SAMM50: variants seen among roughly 807,000 people sequenced by gnomAD.
SAMM50 encodes the protein sorting and assembly machinery component 50 homolog.
SAMM50 carries 47 observed loss-of-function variants against 66.9 expected under a neutral mutation model. The ratio of observed to expected loss-of-function variants is 0.70; its 90% confidence interval spans 0.56 to 0.90. The LOEUF is 0.90. SAMM50 is among the 40% of genes least tolerant of loss of function. SAMM50 has a pLI of 0.00. For synonymous variants in SAMM50, 191 were observed against 214.1 expected, an observed-to-expected ratio of 0.89 and a Z score of 0.94; for missense variants, 535 against 595.3, an observed-to-expected ratio of 0.90 and a Z score of 1.05.
At chr22:43,995,921 C>T (rs2050350994) in intron 14 of SAMM50, among the ~76,000 whole-genome samples, 3 of 152,140 alleles carry the variant, frequency 2.0e-5, no homozygotes, top group Admixed American at 2.0e-4. Context: ...AGCCCCGGGA[C>T]CTTCTGGGGG....
chr22:43,958,055 T>G (rs2050128992), intron 1 of SAMM50, among the ~76,000 whole-genome samples: 1 of 152,228 alleles, frequency 6.6e-6, no homozygotes, highest in South Asian at 2.1e-4. Flanking sequence ...GCCTGGCCTT[T>G]GTCCAGAATT....
chr22:43,970,240 T>C (rs1177556832), intron 4 of SAMM50, among the ~76,000 whole-genome samples: 11 of 151,598 alleles, frequency 7.3e-5, no homozygotes, highest in Admixed American at 7.2e-4. Flanking sequence ...TGGGGTCACC[T>C]TGGGCTAGTG....
chr22:43,976,243 G>A (rs1390322253), intron 8 of SAMM50, 60 bp downstream of exon 8: 13 of 1,556,540 alleles, frequency 8.4e-6, no homozygotes, highest in Admixed American at 7.1e-5. Flanking sequence ...CTATGCATTG[G>A]GAAAACAGTC....
chr22:43,963,899 G>GTTT (rs760201169), intron 2 of SAMM50, among the ~76,000 whole-genome samples: 6 of 151,584 alleles, frequency 4.0e-5, no homozygotes, highest in Non-Finnish European at 8.8e-5. Flanking sequence ...GTTTTGTTTT[G>GTTT]TTTTTTTTAT....
chr22:43,968,104 G>A (rs73434646), intron 3 of SAMM50, among the ~76,000 whole-genome samples: 2,130 of 151,714 alleles, frequency 0.014, 49 homozygotes, highest in African/African-American at 0.049. Context: ...GTCTGTGCCT[G>A]CAATCCCAGC....
At chr22:43,956,498 C>T (rs2050120203) in intron 1 of SAMM50, among the ~76,000 whole-genome samples, 1 of 152,242 alleles carries the variant, frequency 6.6e-6, no homozygotes, top group Non-Finnish European at 1.5e-5. Flanking sequence ...TCTCTTCTGA[C>T]ATCTCTTTGT....
intron 11 of SAMM50, among the ~76,000 whole-genome samples, chr22:43,981,682 A>G (rs1442380621): frequency 6.6e-6 from 1 of 152,210 alleles, no homozygotes; most frequent in African/African-American, 2.4e-5. Context: ...TTTAAAATGT[A>G]TTGTTCCCTT....
rs1057495218 is a variant in SAMM50, at chr22:43,957,301, G to A, written c.21+1703G>A. 1.7e-5 allele frequency: 11 copies of A among 647,766 alleles called. No individual in the cohort carries two copies. The South Asian group carries it at 1.9e-4, about 11-fold the overall frequency. 40.1% of individuals were successfully genotyped at this position (647,766 alleles called of 1,614,324 possible). A position where few individuals can be genotyped will look rare whatever the true frequency, so the allele number is the denominator to read the frequency against. On this transcript the variant is annotated intron_variant, in intron 1 of 14. Transcript: ENST00000350028. ...ATTCTGAAGCAATCTTCCTGCTAAGGCTGTTGGACACAGAATCCGAGTAAT... is the reference window on the plus strand; with the variant it reads ...ATTCTGAAGCAATCTTCCTGCTAAGACTGTTGGACACAGAATCCGAGTAAT...
intron 1 of SAMM50, chr22:43,957,342 G>T (rs1254193502): frequency 3.6e-6 from 2 of 553,712 alleles, no homozygotes; most frequent in East Asian, 3.2e-5. Context: ...ACCCCTCAAG[G>T]ATTTAAACTA....
chr22:43,964,524 G>A lies in SAMM50; in HGVS notation c.205G>A (p.Asp69Asn). 4.3e-6 allele frequency: 7 copies of A among 1,610,516 alleles called. No individual in the cohort carries two copies. Among genetic ancestry groups the A allele is most frequent in the Non-Finnish European group, 5.9e-6 (7 of 1,176,772 alleles). The change falls in exon 3 of 15, where the codon GAT (aspartate) becomes AAT (asparagine). Residue 69 changes from aspartate to asparagine, a missense_variant. By Grantham distance (23) the Asp-to-Asn change is conservative. Transcript: ENST00000350028. ...KDDIIICEIG[D>N]VFKAKNLIEV... is the part of the protein sequence containing the mutation. ...TGATATCATCATTTGTGAAATTGGA[G>A]ATGTTTTCAAGGCCAAAAACCTAAT...
chr22:43,996,279 C>A, intron 14 of SAMM50, 59 bp from the exon 15 acceptor site: 2 of 1,573,904 alleles, frequency 1.3e-6, no homozygotes, highest in Admixed American at 1.7e-5. Context: ...CTCAGTGAGT[C>A]GTGAAGATGG....
intron 11 of SAMM50, among the ~76,000 whole-genome samples, chr22:43,982,580 T>A (rs568465808): frequency 1.3e-5 from 2 of 152,332 alleles, no homozygotes; most frequent in East Asian, 3.9e-4. Context: ...CGTTATGTTA[T>A]ATGCATCCTG....
At chr22:43,981,796 T>C (rs546460725) in intron 11 of SAMM50, among the ~76,000 whole-genome samples, 3 of 152,260 alleles carry the variant, frequency 2.0e-5, no homozygotes, top group African/African-American at 7.2e-5. Flanking sequence ...AGAAATTCTT[T>C]ATAAGCAGCA....
Position 43,972,294 on chromosome 22 carries a change from AT to A in SAMM50, c.383del (p.Leu128Ter). On this transcript the variant is annotated frameshift_variant, in exon 5 of 15. Transcript: ENST00000350028. LOFTEE classifies it high-confidence loss of function. The stretch of plus-strand genomic sequence containing the variant: ...CCTTTGAAGTAACTGAATTGAGGAG[AT>A]TAACGGGCAGTTATAACACCATGGT... ...VTFEVTELRR[L>X]TGSYNTMVGN... 1 of 1,607,354 alleles carries A rather than the reference AT, an allele frequency of 6.2e-7. No homozygotes were observed. Among genetic ancestry groups the A allele is most frequent in the Admixed American group, 1.7e-5 (1 of 57,844 alleles).
chr22:43,978,156 T>G (rs767751573), intron 10 of SAMM50, among the ~76,000 whole-genome samples, 198 bp downstream of exon 10: 4 of 151,960 alleles, frequency 2.6e-5, no homozygotes, highest in Non-Finnish European at 5.9e-5. Flanking sequence ...AAAAGTAACC[T>G]CTGATGGCCG....
chr22:43,955,815 C>T (rs1318553947), intron 1 of SAMM50, among the ~76,000 whole-genome samples: 1 of 152,230 alleles, frequency 6.6e-6, no homozygotes, highest in African/African-American at 2.4e-5. Flanking sequence ...CGAGACTTGG[C>T]TAAAGGTCAC....
intron 5 of SAMM50, 47 bp from the exon 6 acceptor site, chr22:43,972,824 A>T (rs776481316): frequency 7.1e-6 from 11 of 1,545,970 alleles, no homozygotes; most frequent in Non-Finnish European, 7.0e-6. Flanking sequence ...CAAAGTTCTC[A>T]TTCCTTCAAT....
Position 43,960,935 on chromosome 22 carries a change from G to A in SAMM50, c.22-2351G>A, listed in dbSNP as rs192236921. Among the ~76,000 whole-genome samples the A allele has an allele frequency of 4.6e-5, 7 of 152,332 alleles. No homozygotes were observed. The East Asian group carries it at 1.2e-3, about 25-fold the overall frequency. Reference sequence around the variant, plus strand: ...TATGCAAAAGCCTGAATGTGCGGGTGGAGCGGGTGGTGGAGATGGAAACTG... The same window carrying A: ...TATGCAAAAGCCTGAATGTGCGGGTAGAGCGGGTGGTGGAGATGGAAACTG... On this transcript the variant is annotated intron_variant, in intron 1 of 14. Transcript: ENST00000350028.
chr22:43,964,986 C>T (rs1339046180), intron 3 of SAMM50, among the ~76,000 whole-genome samples: 1 of 152,002 alleles, frequency 6.6e-6, no homozygotes, highest in African/African-American at 2.4e-5. Context: ...GGAGCAGTCT[C>T]CTTCCTGCAC....
Sources: allele counts gnomAD v4.1 joint callset (sites outside exome capture counted in the v4.1 genomes callset), GRCh38; gene constraint gnomAD v4.1.1; transcripts MANE v1.5; gene names NCBI Gene and HGNC (gene_info 2026-07-23, HGNC 2026-07-21).